SPOCK3: variants seen among roughly 807,000 people sequenced by gnomAD.
The protein encoded by SPOCK3 is testican-3.
Under a neutral mutation model 56.6 loss-of-function variants are expected in SPOCK3, and 30 were observed. That is an observed-to-expected ratio of 0.53 (90% CI 0.40 to 0.72). The LOEUF (loss-of-function observed/expected upper bound fraction) is 0.72. Ranked by LOEUF, SPOCK3 falls within the 30% of genes least tolerant of loss-of-function variation. The probability of loss-of-function intolerance (pLI) is 0.00; values close to 1 mark genes in which losing one functional copy is unlikely to be tolerated. For synonymous variants in SPOCK3, 196 were observed against 183.3 expected (o/e 1.07, Z -0.56); for missense variants, 527 against 530.0 (o/e 0.99, Z 0.06).
At chr4:167,124,865 A>G (rs1473581781) in intron 2 of SPOCK3, among the ~76,000 whole-genome samples, 1 of 151,986 alleles carries the variant, frequency 6.6e-6, no homozygotes, top group Non-Finnish European at 1.5e-5. Flanking sequence ...CTTACCTCCA[A>G]TTGTATTCTC....
At chr4:167,190,893 G>A (rs373326649) in intron 2 of SPOCK3, among the ~76,000 whole-genome samples, 7 of 145,344 alleles carry the variant, frequency 4.8e-5, no homozygotes, top group African/African-American at 1.3e-4. Flanking sequence ...TTCTCATTTT[G>A]TATTCTTGAC....
At chr4:166,985,338 C>T (rs979062387) in intron 4 of SPOCK3, among the ~76,000 whole-genome samples, 3 of 152,050 alleles carry the variant, frequency 2.0e-5, no homozygotes, top group Admixed American at 6.6e-5. Context: ...GAAGAGGCAA[C>T]AATTCAAATC....
At chr4:167,124,511 C>T (rs1762115798) in intron 2 of SPOCK3, among the ~76,000 whole-genome samples, 2 of 152,136 alleles carry the variant, frequency 1.3e-5, no homozygotes, top group South Asian at 4.1e-4. Flanking sequence ...TTAATGAAAT[C>T]TTTGATGCCC....
intron 3 of SPOCK3, among the ~76,000 whole-genome samples, chr4:167,014,688 A>G (rs919603337): frequency 6.6e-6 from 1 of 151,948 alleles, no homozygotes; most frequent in Non-Finnish European, 1.5e-5. Context: ...AAAGGTTTTA[A>G]GTACAGATAT....
rs776235501 is a variant in SPOCK3, at chr4:166,991,659, C to G, written c.350+8690G>C. ...TGCTGGGATTACAGGCATGAGCCAC[C>G]AGTGCCCAGTCCATACCAATTTTAA... On this transcript the variant is annotated intron_variant, in intron 4 of 10. Transcript: ENST00000357545. Among the ~76,000 whole-genome samples the G allele has an allele frequency of 5.3e-5, 8 of 152,178 alleles. No individual in the cohort carries two copies. The South Asian group carries it at 1.5e-3, about 28-fold the overall frequency.
At chr4:166,841,241 T>C (rs1747267197) in intron 6 of SPOCK3, among the ~76,000 whole-genome samples, 1 of 152,168 alleles carries the variant, frequency 6.6e-6, no homozygotes, top group Non-Finnish European at 1.5e-5. Context: ...GCAATTTAAC[T>C]GAAGGTCAGT....
intron 6 of SPOCK3, among the ~76,000 whole-genome samples, chr4:166,792,583 T>C (rs546109524): frequency 2.6e-5 from 4 of 152,146 alleles, no homozygotes; most frequent in Non-Finnish European, 5.9e-5. Flanking sequence ...ATAATATTTA[T>C]GTCATAAATA....
At chr4:167,049,454 G>A (rs1754002234) in intron 3 of SPOCK3, among the ~76,000 whole-genome samples, 2 of 152,082 alleles carry the variant, frequency 1.3e-5, no homozygotes, top group Non-Finnish European at 2.9e-5. Flanking sequence ...AGACTCGCTG[G>A]TGTCTCAATG....
intron 3 of SPOCK3, among the ~76,000 whole-genome samples, chr4:167,015,759 G>A (rs1750564694): frequency 6.6e-6 from 1 of 152,142 alleles, no homozygotes; most frequent in African/African-American, 2.4e-5. Context: ...CCAAGTAATT[G>A]CATCAAATGA....
intron 4 of SPOCK3, among the ~76,000 whole-genome samples, chr4:166,970,609 A>C (rs900324132): frequency 2.6e-5 from 4 of 152,102 alleles, no homozygotes; most frequent in Admixed American, 1.3e-4. Context: ...CTGTAATCCC[A>C]GCTACTTGGG....
intron 4 of SPOCK3, among the ~76,000 whole-genome samples, chr4:166,941,595 T>C (rs1341280009): frequency 6.6e-6 from 1 of 152,214 alleles, no homozygotes; most frequent in Non-Finnish European, 1.5e-5. Flanking sequence ...CACCTTTGTG[T>C]GATCCTTCCC....
chr4:167,026,479 C>T (rs942821606), intron 3 of SPOCK3, among the ~76,000 whole-genome samples: 2 of 152,044 alleles, frequency 1.3e-5, no homozygotes, highest in African/African-American at 4.8e-5. Flanking sequence ...ACAGAGAAGA[C>T]GATGACTGGT....
intron 4 of SPOCK3, among the ~76,000 whole-genome samples, chr4:166,995,651 A>G (rs6815881): frequency 0.086 from 13,020 of 151,852 alleles, 609 homozygotes; most frequent in Middle Eastern, 0.12. Flanking sequence ...ACACCCAGAA[A>G]CTCTGAGCCT....
At chr4:166,839,356 C>T (rs1040415135) in intron 6 of SPOCK3, among the ~76,000 whole-genome samples, 2 of 152,058 alleles carry the variant, frequency 1.3e-5, no homozygotes, top group Non-Finnish European at 2.9e-5. Flanking sequence ...CTAAAATTAC[C>T]TCCACTGACA....
At chr4:166,875,962 T>A (rs1435341569) in intron 6 of SPOCK3, among the ~76,000 whole-genome samples, 1 of 114,922 alleles carries the variant, frequency 8.7e-6, no homozygotes, top group Admixed American at 1.0e-4. Flanking sequence ...CATTGCCCCC[T>A]CAAGTCACAC....
chr4:167,086,824 C>T (rs139460074), intron 2 of SPOCK3, among the ~76,000 whole-genome samples: 44 of 152,146 alleles, frequency 2.9e-4, no homozygotes, highest in Admixed American at 7.2e-4. Flanking sequence ...TTTAGCACAA[C>T]GCACAAAACA....
intron 4 of SPOCK3, among the ~76,000 whole-genome samples, chr4:166,942,612 G>A (rs1226573092): frequency 6.6e-6 from 1 of 151,756 alleles, no homozygotes; most frequent in Non-Finnish European, 1.5e-5. Context: ...TCAATAAATG[G>A]ATACTATTCT....
intron 2 of SPOCK3, among the ~76,000 whole-genome samples, chr4:167,109,406 T>C (rs1219082431): frequency 1.2e-5 from 1 of 83,462 alleles, no homozygotes; most frequent in Non-Finnish European, 2.2e-5. Flanking sequence ...TATTTATATA[T>C]AAATATATAT....
intron 4 of SPOCK3, among the ~76,000 whole-genome samples, chr4:166,978,408 G>T (rs1746196188): frequency 6.6e-6 from 1 of 152,100 alleles, no homozygotes; most frequent in Non-Finnish European, 1.5e-5. Context: ...GAACAAGATG[G>T]TATTGGGAAC....
Sources: allele counts gnomAD v4.1 joint callset (sites outside exome capture counted in the v4.1 genomes callset), GRCh38; gene constraint gnomAD v4.1.1; transcripts MANE v1.5; gene names NCBI Gene and HGNC (gene_info 2026-07-23, HGNC 2026-07-21).